Variants in TPTE2 observed in about 807,000 individuals in gnomAD.
TPTE2 encodes the protein phosphatidylinositol 3,4,5-trisphosphate 3-phosphatase TPTE2.
In TPTE2, 53 loss-of-function variants were observed where a neutral mutation model predicts 78.6. The observed-to-expected ratio is 0.67, with a 90% CI of 0.54 to 0.85. The LOEUF (loss-of-function observed/expected upper bound fraction) is 0.85. Ranked by LOEUF, TPTE2 falls within the 40% of genes least tolerant of loss-of-function variation. The probability of loss-of-function intolerance (pLI) is 0.00; values close to 1 mark genes in which losing one functional copy is unlikely to be tolerated. For missense variants in TPTE2, 461 were observed against 623.0 expected (o/e 0.74, Z 2.77); for synonymous variants, 175 against 206.2 (o/e 0.85, Z 1.30).
chr13:19,497,598 T>A (rs1163521898), intron 1 of TPTE2, among the ~76,000 whole-genome samples: 19 of 83,312 alleles, frequency 2.3e-4, no homozygotes, highest in African/African-American at 5.4e-4. Context: ...TCCTGTCTGT[T>A]AGAAAGAAAA....
chr13:19,484,888 T>TTTC (rs1880566181), intron 3 of TPTE2, among the ~76,000 whole-genome samples: 1 of 152,156 alleles, frequency 6.6e-6, no homozygotes, highest in South Asian at 2.1e-4. Flanking sequence ...GTAAGATGAG[T>TTTC]TTCTTTTAGA....
Position 19,472,227 on chromosome 13 carries a change from C to A in TPTE2, c.392+1687G>T, listed in dbSNP as rs375282493. 1.3e-5 allele frequency among the ~76,000 whole-genome samples: 2 copies of A among 152,072 alleles called. 1 individual carries two copies. Among genetic ancestry groups the A allele is most frequent in the East Asian group, 3.9e-4 (2 of 5,184 alleles). On this transcript the variant is annotated intron_variant, in intron 6 of 19. Transcript: ENST00000400230. ...TTGATATCTTTCTGTAGGTTTGGGACGTTCTGTTACTATCCCTTTGAATAA... is the reference window on the plus strand; with the variant it reads ...TTGATATCTTTCTGTAGGTTTGGGAAGTTCTGTTACTATCCCTTTGAATAA...
chr13:19,516,543 C>T (rs1246979505), intron 1 of TPTE2, among the ~76,000 whole-genome samples: 1 of 152,196 alleles, frequency 6.6e-6, no homozygotes, highest in Non-Finnish European at 1.5e-5. Context: ...ATAATTGTAA[C>T]ATCCATCATG....
chr13:19,451,162 T>C lies in TPTE2; in HGVS notation c.802+3A>G, dbSNP rs991042280. The C allele has an allele frequency of 6.2e-7, 1 of 1,613,274 alleles. No homozygotes were observed. Among genetic ancestry groups the C allele is most frequent in the Non-Finnish European group, 8.5e-7 (1 of 1,179,556 alleles). On this transcript the variant is annotated splice_donor_region_variant and intron_variant, in intron 11 of 19. Transcript: ENST00000400230. ...GTAGCAAAATATAGAGTAATGTACA[T>C]ACTGCATAGATTGTAGACTCGATAG...
intron 14 of TPTE2, 136 bp downstream of exon 17, chr13:19,437,952 ACTTT>A: frequency 8.0e-7 from 1 of 1,255,366 alleles, no homozygotes; most frequent in South Asian, 1.9e-5. Context: ...TCAAAAATAG[ACTTT>A]CTAAAAACTG....
chr13:19,541,436 A>G (rs146671509), upstream of TPTE2, among the ~76,000 whole-genome samples: 1,165 of 152,268 alleles, frequency 7.7e-3, 12 homozygotes, highest in African/African-American at 0.025. Context: ...TCCAATCCTA[A>G]TCACTTTTTT....
chr13:19,557,798 T>C, the TPTE2 span, among the ~76,000 whole-genome samples: 1 of 152,126 alleles, frequency 6.6e-6, no homozygotes, highest in Non-Finnish European at 1.5e-5. Flanking sequence ...ATGGAATGTT[T>C]CTCTACCTGA....
At chr13:19,434,696 G>A (rs1876939575) in intron 15 of TPTE2, among the ~76,000 whole-genome samples, 1 of 152,108 alleles carries the variant, frequency 6.6e-6, no homozygotes, top group Non-Finnish European at 1.5e-5. Context: ...TAGTTAGAGT[G>A]TTCTTCTAAC....
chr13:19,443,914 GA>G (rs1433687169), intron 13 of TPTE2, among the ~76,000 whole-genome samples: 3 of 151,970 alleles, frequency 2.0e-5, no homozygotes, highest in Non-Finnish European at 4.4e-5. Context: ...ATAAATGACT[GA>G]AATGGAAAAA....
chr13:19,441,999 G>A (rs1270707494), intron 13 of TPTE2, among the ~76,000 whole-genome samples: 1 of 152,094 alleles, frequency 6.6e-6, no homozygotes, highest in Non-Finnish European at 1.5e-5. Context: ...TAAGGACAGA[G>A]GGTAAGAAGC....
intron 1 of TPTE2, among the ~76,000 whole-genome samples, chr13:19,513,410 G>A (rs548014102): frequency 6.6e-6 from 1 of 152,296 alleles, no homozygotes; most frequent in African/African-American, 2.4e-5. Flanking sequence ...ATAATTCTGA[G>A]ACTGAATTTC....
At chr13:19,453,538 C>T (rs1412245883) in intron 10 of TPTE2, among the ~76,000 whole-genome samples, 2 of 140,184 alleles carry the variant, frequency 1.4e-5, no homozygotes, top group African/African-American at 5.7e-5. Flanking sequence ...ATTTTATAAT[C>T]ATATATATAT....
intron 13 of TPTE2, among the ~76,000 whole-genome samples, chr13:19,441,706 A>G (rs1877511880): frequency 6.6e-6 from 1 of 152,194 alleles, no homozygotes; most frequent in Non-Finnish European, 1.5e-5. Context: ...CATCATATTA[A>G]TGACATAATA....
At chr13:19,454,130 T>A (rs978460642) in intron 10 of TPTE2, among the ~76,000 whole-genome samples, 13 of 152,206 alleles carry the variant, frequency 8.5e-5, no homozygotes, top group African/African-American at 3.1e-4. Flanking sequence ...TGGGTCCTGC[T>A]TCTCTAAAGT....
intron 13 of TPTE2, among the ~76,000 whole-genome samples, chr13:19,446,154 C>G (rs1376105518): frequency 6.6e-6 from 1 of 152,164 alleles, no homozygotes. Flanking sequence ...GTTGTCAGTT[C>G]TCTCAAGTTA....
intron 18 of TPTE2, among the ~76,000 whole-genome samples, chr13:19,425,365 T>G (rs1272288184): frequency 2.0e-5 from 3 of 152,248 alleles, no homozygotes; most frequent in African/African-American, 4.8e-5. Flanking sequence ...TAGTGAATTC[T>G]TATAATTTTT....
At position 19,453,392 on chromosome 13, in the gene TPTE2, G is replaced by A. The variant is rs1042941310; in HGVS notation, c.742-2167C>T. 5.9e-5 allele frequency among the ~76,000 whole-genome samples: 9 copies of A among 151,916 alleles called. No homozygotes were observed. The East Asian group carries it at 1.7e-3, about 29-fold the overall frequency. On this transcript the variant is annotated intron_variant, in intron 10 of 19. Coordinates refer to ENST00000400230, the Ensembl canonical transcript of TPTE2. Reference sequence around the variant, plus strand: ...GGTAATTTATGTGCAGCCTTCCTTAGTATACATATATAGAAAAACAGTCAA... The same window carrying A: ...GGTAATTTATGTGCAGCCTTCCTTAATATACATATATAGAAAAACAGTCAA...
At chr13:19,546,640 C>T in the TPTE2 span, among the ~76,000 whole-genome samples, 1 of 151,798 alleles carries the variant, frequency 6.6e-6, no homozygotes, top group African/African-American at 2.4e-5. Context: ...CAGGCATGCA[C>T]CACCACATCC....
chr13:19,505,577 T>C (rs189349496), upstream of TPTE2, among the ~76,000 whole-genome samples: 95 of 152,230 alleles, frequency 6.2e-4, 2 homozygotes, highest in Middle Eastern at 6.8e-3. Flanking sequence ...CCAGAAGATA[T>C]GACCATGTAG....
Sources: allele counts gnomAD v4.1 joint callset (sites outside exome capture counted in the v4.1 genomes callset), GRCh38; gene constraint gnomAD v4.1.1; transcripts MANE v1.5; gene names NCBI Gene and HGNC (gene_info 2026-07-23, HGNC 2026-07-21).